ROR1: variants seen among roughly 807,000 people sequenced by gnomAD.
ROR1 encodes the protein ROR family WNT receptor 1.
Under a neutral mutation model 78.8 loss-of-function variants are expected in ROR1, and 19 were observed. The observed-to-expected ratio is 0.24, with a 90% confidence interval of 0.17 to 0.35. The LOEUF is 0.35. Among genes scored for constraint, ROR1 ranks in the 10% least tolerant of loss-of-function variants. The pLI, the probability that ROR1 is intolerant of heterozygous loss-of-function variation, is 1.00. For synonymous variants in ROR1, 386 were observed against 433.6 expected (o/e 0.89, Z 1.36); for missense variants, 917 against 1,177.8 (o/e 0.78, Z 3.24).
At chr1:63,919,096 T>C (rs1206171514) in intron 1 of ROR1, among the ~76,000 whole-genome samples, 1 of 152,194 alleles carries the variant, frequency 6.6e-6, no homozygotes, top group Non-Finnish European at 1.5e-5. Flanking sequence ...TGAAACATCT[T>C]TGAAATGATG....
chr1:63,993,788 G>A (rs1426312259), intron 1 of ROR1, among the ~76,000 whole-genome samples: 3 of 152,054 alleles, frequency 2.0e-5, no homozygotes, highest in Admixed American at 1.3e-4. Flanking sequence ...GGACAAGTAG[G>A]TTGTTTCCAA....
intron 1 of ROR1, among the ~76,000 whole-genome samples, chr1:63,933,479 T>TA (rs1213361986): frequency 1.3e-5 from 2 of 152,190 alleles, no homozygotes; most frequent in African/African-American, 2.4e-5. Flanking sequence ...AGGTGCTCAA[T>TA]AAGTATTTGC....
At chr1:63,913,839 A>G (rs1049626865) in intron 1 of ROR1, among the ~76,000 whole-genome samples, 6 of 152,314 alleles carry the variant, frequency 3.9e-5, no homozygotes, top group Middle Eastern at 6.8e-3. Context: ...GAGGTTTTTA[A>G]TGGCTTTTTA....
chr1:64,104,104 A>G (rs946892088), intron 4 of ROR1, among the ~76,000 whole-genome samples: 8 of 152,174 alleles, frequency 5.3e-5, no homozygotes, highest in Non-Finnish European at 1.2e-4. Flanking sequence ...ACTAGGCTAT[A>G]TATCTATGTT....
intron 8 of ROR1, among the ~76,000 whole-genome samples, chr1:64,168,730 C>T (rs1000131734): frequency 2.6e-5 from 4 of 152,160 alleles, no homozygotes; most frequent in Non-Finnish European, 5.9e-5. Flanking sequence ...CCTGATATTT[C>T]CAAAGCATCT....
intron 5 of ROR1, 136 bp from the exon 6 acceptor site, chr1:64,139,973 C>G: frequency 8.1e-6 from 6 of 742,572 alleles, no homozygotes; most frequent in Non-Finnish European, 1.3e-5. Flanking sequence ...TGAAATGAAT[C>G]TCCTTCTCTG....
chr1:63,865,841 A>G (rs1387924881), intron 1 of ROR1, among the ~76,000 whole-genome samples: 1 of 152,228 alleles, frequency 6.6e-6, no homozygotes, highest in African/African-American at 2.4e-5. Flanking sequence ...CAGTAGATTA[A>G]CAAGGAGGAA....
At chr1:63,808,829 G>A (rs961502424) in intron 1 of ROR1, among the ~76,000 whole-genome samples, 11 of 147,392 alleles carry the variant, frequency 7.5e-5, no homozygotes, top group African/African-American at 2.9e-4. Flanking sequence ...AAGAAAATTA[G>A]TTTTCATTTA....
chr1:64,126,556 T>C lies in ROR1; in HGVS notation c.483-10813T>C, dbSNP rs182714644. Among the ~76,000 whole-genome samples the C allele has an allele frequency of 8.8e-4, 133 of 151,324 alleles. 1 individual carries two copies. Among genetic ancestry groups the C allele is most frequent in the Non-Finnish European group, 1.6e-3 (108 of 67,298 alleles). On this transcript the variant is annotated intron_variant, in intron 4 of 8. Coordinates refer to ENST00000371079, the MANE Select transcript of ROR1 (RefSeq NM_005012.4). ...TAAAAGGTTAGAATTGGAAAGAACA[T>C]ATTATACAGTTCAACTTCCATATTA... is the stretch of plus-strand genomic sequence containing the variant.
At chr1:63,978,372 T>G (rs963823911) in intron 1 of ROR1, among the ~76,000 whole-genome samples, 1 of 152,224 alleles carries the variant, frequency 6.6e-6, no homozygotes, top group Non-Finnish European at 1.5e-5. Context: ...TTCAGTAAGC[T>G]GTGTGGTGTG....
At chr1:63,958,460 G>A (rs933582600) in intron 1 of ROR1, among the ~76,000 whole-genome samples, 1 of 152,112 alleles carries the variant, frequency 6.6e-6, no homozygotes, top group Non-Finnish European at 1.5e-5. Flanking sequence ...TCTTCCTTAA[G>A]TGCATACTCT....
At chr1:63,889,028 T>C (rs1645376303) in intron 1 of ROR1, among the ~76,000 whole-genome samples, 1 of 152,186 alleles carries the variant, frequency 6.6e-6, no homozygotes, top group Non-Finnish European at 1.5e-5. Flanking sequence ...CTGCAGTCTC[T>C]AAAGGCCTGA....
chr1:64,149,410 T>C (rs1315023171), intron 7 of ROR1, among the ~76,000 whole-genome samples: 1 of 152,196 alleles, frequency 6.6e-6, no homozygotes, highest in African/African-American at 2.4e-5. Context: ...CCTTTGATCA[T>C]TATGATCTCT....
At chr1:63,778,168 T>C (rs1428224635) in intron 1 of ROR1, among the ~76,000 whole-genome samples, 1 of 152,144 alleles carries the variant, frequency 6.6e-6, no homozygotes, top group African/African-American at 2.4e-5. Flanking sequence ...TGAAGTGAGG[T>C]CATGCATGTA....
chr1:64,077,895 G>A (rs61765387), intron 4 of ROR1, among the ~76,000 whole-genome samples: 80 of 152,288 alleles, frequency 5.3e-4, no homozygotes, highest in Admixed American at 1.1e-3. Context: ...TCATTCATCA[G>A]CTATTAATTG....
Position 63,865,488 on chromosome 1 carries a change from G to A in ROR1, c.91+90980G>A, listed in dbSNP as rs189799874. ...GCCCTCGACACAGGCTTAAGTTCAA[G>A]TCTCAGCTCTGTTACTTACAAACCA... On this transcript the variant is annotated intron_variant, in intron 1 of 8. Coordinates refer to ENST00000371079, the MANE Select transcript of ROR1 (RefSeq NM_005012.4). Among the ~76,000 whole-genome samples the A allele has an allele frequency of 2.6e-4, 39 of 152,290 alleles. 1 individual carries two copies. The highest frequency in any genetic ancestry group is 7.5e-4 in the African/African-American group (31 of 41,552).
At chr1:63,859,561 C>T (rs955339190) in intron 1 of ROR1, among the ~76,000 whole-genome samples, 1 of 152,160 alleles carries the variant, frequency 6.6e-6, no homozygotes, top group Non-Finnish European at 1.5e-5. Flanking sequence ...AGGCTGTTCT[C>T]CAGATCTGGG....
intron 2 of ROR1, 58 bp downstream of exon 2, chr1:64,009,434 C>A: frequency 7.9e-7 from 1 of 1,266,486 alleles, no homozygotes; most frequent in Non-Finnish European, 1.2e-6. Context: ...TGTTTTTAAT[C>A]CTGGCATGAC....
intron 7 of ROR1, 94 bp from the exon 8 acceptor site, chr1:64,158,887 T>C (rs529740757): frequency 1.1e-6 from 1 of 889,092 alleles, no homozygotes; most frequent in East Asian, 2.5e-5. Flanking sequence ...TATAAAAGAA[T>C]AGAAGAGGTG....
Sources: gnomAD v4.1 joint callset for allele counts (sites outside exome capture counted in the v4.1 genomes callset) on GRCh38, gnomAD v4.1.1 for gene constraint, MANE v1.5 for transcripts, NCBI Gene and HGNC (gene_info 2026-07-23, HGNC 2026-07-21) for gene names.